WDR27: variants seen among roughly 807,000 people sequenced by gnomAD.
The protein encoded by WDR27 is WD repeat-containing protein 27.
A neutral mutation model predicts 114.4 loss-of-function variants in WDR27; 100 were observed. That is an observed-to-expected ratio of 0.87 (90% CI 0.74 to 1.03). WDR27 has a LOEUF of 1.03. Among genes scored for constraint, WDR27 ranks in the 50% least tolerant of loss-of-function variants. The pLI is 0.00. For synonymous variants in WDR27, 449 were observed against 423.1 expected, an observed-to-expected ratio of 1.06 and a Z score of -0.75; for missense variants, 1,129 against 1,092.9, an observed-to-expected ratio of 1.03 and a Z score of -0.47.
intron 21 of WDR27, among the ~76,000 whole-genome samples, chr6:169,626,416 C>T (rs944355101): frequency 6.6e-6 from 1 of 152,164 alleles, no homozygotes; most frequent in Non-Finnish European, 1.5e-5. Flanking sequence ...CTGTGCCAGG[C>T]TCCTGCTGCC....
chr6:169,501,200 T>A lies in WDR27; in HGVS notation c.2646-43566A>T, dbSNP rs531575842. On this transcript the variant is annotated intron_variant, in intron 25 of 25. Transcript: ENST00000448612. ...CTGAAATCACTGCAAGTTTCCCAAG[T>A]GGGCTGGAGATGAGACGAACCCGAT... is the stretch of plus-strand genomic sequence containing the variant. Among the ~76,000 whole-genome samples the A allele has an allele frequency of 5.7e-3, 863 of 152,288 alleles. 3 individuals are homozygous for A. Among genetic ancestry groups the A allele is most frequent in the Middle Eastern group, 0.01 (3 of 294 alleles).
chr6:169,590,024 A>G (rs77432181), intron 23 of WDR27, among the ~76,000 whole-genome samples: 3,170 of 150,876 alleles, frequency 0.021, 73 homozygotes, highest in East Asian at 0.088. Flanking sequence ...GTGCTGGAAT[A>G]ACGCTTGACT....
At chr6:169,645,834 G>C (rs1820598001) in intron 16 of WDR27, among the ~76,000 whole-genome samples, 1 of 143,270 alleles carries the variant, frequency 7.0e-6, no homozygotes, top group Admixed American at 6.8e-5. Context: ...CTGTAGAAAA[G>C]CCTAGTTCAC....
At chr6:169,592,089 C>T (rs1055681332) in intron 23 of WDR27, among the ~76,000 whole-genome samples, 1 of 152,066 alleles carries the variant, frequency 6.6e-6, no homozygotes, top group Admixed American at 6.6e-5. Context: ...GGTTTTAATT[C>T]GAAAGGCTTT....
chr6:169,529,312 CGGG>C (rs10718481), intron 25 of WDR27, among the ~76,000 whole-genome samples: 1,593 of 115,248 alleles, frequency 0.014, 96 homozygotes, highest in African/African-American at 0.042. Flanking sequence ...GTGACCTCTG[CGGG>C]GGGGGGGGGC....
chr6:169,510,924 A>AT (rs1311223219), intron 25 of WDR27, among the ~76,000 whole-genome samples: 1 of 152,180 alleles, frequency 6.6e-6, no homozygotes, highest in Non-Finnish European at 1.5e-5. Context: ...AGGCAAAAAA[A>AT]ATATATATGC....
chr6:169,660,385 C>T (rs771519690), intron 10 of WDR27, among the ~76,000 whole-genome samples: 12 of 152,118 alleles, frequency 7.9e-5, no homozygotes, highest in African/African-American at 2.2e-4. Flanking sequence ...AGGTGTTCCA[C>T]GCTGCTGGGG....
At chr6:169,481,511 C>T (rs1788071584) in intron 25 of WDR27, among the ~76,000 whole-genome samples, 2 of 152,152 alleles carry the variant, frequency 1.3e-5, no homozygotes, top group Admixed American at 6.5e-5. Context: ...CTTGCTGCTG[C>T]TCACTCTTCG....
chr6:169,676,469 G>A (rs1311829203), intron 2 of WDR27, among the ~76,000 whole-genome samples: 1 of 152,220 alleles, frequency 6.6e-6, no homozygotes, highest in African/African-American at 2.4e-5. Context: ...ACATAGGCCT[G>A]CGAAGCTGTC....
At chr6:169,660,530 T>G in intron 10 of WDR27, 133 bp downstream of exon 10, 1 of 749,666 alleles carries the variant, frequency 1.3e-6, no homozygotes, top group Non-Finnish European at 2.3e-6. Context: ...ACGTGCTCAA[T>G]GCTGAGTTGT....
At chr6:169,525,115 C>A (rs1794797089) in intron 25 of WDR27, among the ~76,000 whole-genome samples, 1 of 152,042 alleles carries the variant, frequency 6.6e-6, no homozygotes, top group African/African-American at 2.4e-5. Context: ...TAAAAAAAAT[C>A]TGAATAGACG....
At position 169,684,214 on chromosome 6, in the gene WDR27, T is replaced by G. The variant is rs1782323273; in HGVS notation, c.189+4603A>C. ...CTGCCAAGGACAAACCTGCCCTTGA[T>G]TTAGCCAAACCATTGCACACCCTCC... On this transcript the variant is annotated intron_variant, in intron 2 of 25. Coordinates refer to ENST00000448612, the MANE Select transcript of WDR27 (RefSeq NM_182552.5). This position sits in a 1 kb window ranked among gnomAD's most constrained non-coding sequence, Gnocchi z 4.3. Among the ~76,000 whole-genome samples the G allele has an allele frequency of 6.6e-6, 1 of 152,054 alleles. No homozygotes were observed. Among genetic ancestry groups the G allele is most frequent in the Non-Finnish European group, 1.5e-5 (1 of 67,998 alleles).
chr6:169,508,977 A>T (rs1296189894), intron 25 of WDR27, among the ~76,000 whole-genome samples: 2 of 152,060 alleles, frequency 1.3e-5, no homozygotes, highest in Non-Finnish European at 2.9e-5. Context: ...GTTGTTGTTG[A>T]GCTCAGGATG....
intron 25 of WDR27, among the ~76,000 whole-genome samples, chr6:169,562,809 G>A (rs181926670): frequency 6.9e-4 from 105 of 152,256 alleles, no homozygotes; most frequent in Non-Finnish European, 1.2e-3. Flanking sequence ...AAGGAACAGC[G>A]AGGGGTGAGG....
chr6:169,624,126 G>A (rs1368641205), intron 21 of WDR27, among the ~76,000 whole-genome samples: 1 of 151,506 alleles, frequency 6.6e-6, no homozygotes, highest in Non-Finnish European at 1.5e-5. Context: ...GGGGTCAGGT[G>A]TGTGGTGTCA....
chr6:169,667,821 C>A (rs1379685101), intron 5 of WDR27, among the ~76,000 whole-genome samples, 161 bp downstream of exon 5: 1 of 152,268 alleles, frequency 6.6e-6, no homozygotes, highest in South Asian at 2.1e-4. Context: ...CCGGGCTTGG[C>A]GTTTCTGTGG....
chr6:169,599,967 G>C (rs1234536168), intron 23 of WDR27, among the ~76,000 whole-genome samples: 1 of 151,930 alleles, frequency 6.6e-6, no homozygotes, highest in Non-Finnish European at 1.5e-5. Flanking sequence ...TTGTGTCTTT[G>C]TTCTCGTTGG....
rs1785184858 is a variant in WDR27 at position 169,694,057 on chromosome 6, C to T, written c.-7-5045G>A. On this transcript the variant is annotated intron_variant, in intron 1 of 25. Coordinates refer to ENST00000448612, the MANE Select transcript of WDR27 (RefSeq NM_182552.5). ...GGGCGCAGTGGCTCACATCTGTAAT[C>T]CCAGCACTTTGGGAGGCCGAGGTGG... Among the ~76,000 whole-genome samples, 3 of 152,266 alleles carry T rather than the reference C, an allele frequency of 2.0e-5. No homozygotes were observed. In the South Asian group the frequency reaches 6.2e-4, roughly 32 times the overall value.
chr6:169,448,705 C>G, the WDR27 span, among the ~76,000 whole-genome samples: 3 of 152,176 alleles, frequency 2.0e-5, no homozygotes, highest in African/African-American at 7.2e-5. Context: ...GCCGTGTGGC[C>G]TACTCTGGAC....
Sources: allele counts gnomAD v4.1 joint callset (sites outside exome capture counted in the v4.1 genomes callset), GRCh38; gene constraint gnomAD v4.1.1; non-coding constraint Gnocchi (gnomAD v3.1); transcripts MANE v1.5; gene names NCBI Gene and HGNC (gene_info 2026-07-23, HGNC 2026-07-21).